The following SUMF1 variants were observed in gnomAD, a reference collection of about 807,000 sequenced individuals.
The protein encoded by SUMF1 is formylglycine-generating enzyme.
A neutral mutation model predicts 47.6 loss-of-function variants in SUMF1; 48 were observed. The ratio of observed to expected loss-of-function variants is 1.01; its 90% CI spans 0.80 to 1.28. SUMF1 has a LOEUF of 1.28. SUMF1 is among the 50% of genes most tolerant of loss of function. The pLI is 0.00. For synonymous variants in SUMF1, 230 were observed against 192.1 expected (o/e 1.20, Z -1.63); for missense variants, 571 against 485.4 (o/e 1.18, Z -1.66).
At chr3:4,204,373 G>A (rs529529309) in intron 8 of SUMF1, among the ~76,000 whole-genome samples, 2 of 152,122 alleles carry the variant, frequency 1.3e-5, no homozygotes, top group East Asian at 1.9e-4. Context: ...TCCTTTATAT[G>A]TTGTTTGTTT....
intron 7 of SUMF1, among the ~76,000 whole-genome samples, chr3:4,405,167 T>C (rs1054188184): frequency 1.1e-4 from 16 of 152,174 alleles, no homozygotes; most frequent in Non-Finnish European, 1.8e-4. Context: ...CTAAGTCCTA[T>C]CATGCAATGG....
chr3:4,313,353 G>A (rs751837593), intron 8 of SUMF1: 8 of 1,613,844 alleles, frequency 5.0e-6, no homozygotes, highest in Middle Eastern at 1.6e-4. Flanking sequence ...ATAATGGGCA[G>A]GTAATGGAAA....
At chr3:4,055,255 C>T (rs2125025045) in intron 9 of SUMF1, among the ~76,000 whole-genome samples, 1 of 152,138 alleles carries the variant, frequency 6.6e-6, no homozygotes, top group Non-Finnish European at 1.5e-5. Flanking sequence ...GATTGTAAAA[C>T]AATACAGACA....
chr3:4,121,560 T>C (rs1321523815), intron 8 of SUMF1, among the ~76,000 whole-genome samples: 1 of 152,162 alleles, frequency 6.6e-6, no homozygotes, highest in Admixed American at 6.5e-5. Context: ...CCTTGTAGCC[T>C]GTAGACATAA....
intron 3 of SUMF1, among the ~76,000 whole-genome samples, chr3:4,447,937 C>T (rs571398470): frequency 3.3e-5 from 5 of 152,162 alleles, no homozygotes; most frequent in Non-Finnish European, 2.9e-5. Flanking sequence ...CAAAAATAAG[C>T]GCAAACGCCC....
intron 8 of SUMF1, among the ~76,000 whole-genome samples, chr3:4,156,674 T>A (rs1694458662): frequency 6.6e-6 from 1 of 151,626 alleles, no homozygotes; most frequent in South Asian, 2.1e-4. Flanking sequence ...GTATTTGCAC[T>A]CTCTGGGCCT....
chr3:4,443,667 A>C (rs1702682387), intron 3 of SUMF1, among the ~76,000 whole-genome samples: 1 of 152,082 alleles, frequency 6.6e-6, no homozygotes, highest in Non-Finnish European at 1.5e-5. Flanking sequence ...TGGGTGGCTG[A>C]GGTGGGAGCA....
At chr3:4,304,730 T>C (rs1388321164) in intron 8 of SUMF1, among the ~76,000 whole-genome samples, 4 of 152,206 alleles carry the variant, frequency 2.6e-5, no homozygotes, top group Non-Finnish European at 2.9e-5. Context: ...AGAGATTCAA[T>C]AGCAGCTTTC....
chr3:4,213,414 A>G (rs1695843745), intron 8 of SUMF1, among the ~76,000 whole-genome samples: 1 of 152,216 alleles, frequency 6.6e-6, no homozygotes, highest in African/African-American at 2.4e-5. Context: ...TAAAGGAAGC[A>G]CTAAACATGG....
At chr3:4,174,121 C>A (rs1054485923) in intron 8 of SUMF1, among the ~76,000 whole-genome samples, 3 of 152,030 alleles carry the variant, frequency 2.0e-5, no homozygotes, top group Non-Finnish European at 2.9e-5. Flanking sequence ...CTTCAGGAGG[C>A]TGAGGCAGGT....
At chr3:4,095,672 T>A (rs771718928) in intron 8 of SUMF1, among the ~76,000 whole-genome samples, 7 of 152,072 alleles carry the variant, frequency 4.6e-5, no homozygotes, top group Non-Finnish European at 1.0e-4. Context: ...AACAAATTCA[T>A]ATTCCTGACT....
intron 8 of SUMF1, among the ~76,000 whole-genome samples, chr3:4,251,868 A>G (rs1696809994): frequency 6.6e-6 from 1 of 152,210 alleles, no homozygotes; most frequent in African/African-American, 2.4e-5. Flanking sequence ...TTTTTTTAGC[A>G]ATGAAGTATT....
At chr3:4,350,676 TAGA>T (rs1466779970) in intron 8 of SUMF1, among the ~76,000 whole-genome samples, 20 of 152,202 alleles carry the variant, frequency 1.3e-4, no homozygotes, top group Non-Finnish European at 2.6e-4. Context: ...ATTAAAGCAG[TAGA>T]AGTTCAGAAA....
intron 8 of SUMF1, among the ~76,000 whole-genome samples, chr3:4,208,292 C>A (rs929515945): frequency 6.6e-6 from 1 of 152,004 alleles, no homozygotes; most frequent in Non-Finnish European, 1.5e-5. Context: ...GTATTTGCAA[C>A]TGTCATGGTC....
chr3:4,083,978 CAGTA>C (rs764549592), intron 8 of SUMF1, among the ~76,000 whole-genome samples: 2 of 151,880 alleles, frequency 1.3e-5, no homozygotes, highest in Non-Finnish European at 2.9e-5. Flanking sequence ...TTCAATTTTA[CAGTA>C]AGTATGAATC....
chr3:4,050,252 C>T (rs1472771045), intron 9 of SUMF1, among the ~76,000 whole-genome samples: 4 of 151,748 alleles, frequency 2.6e-5, no homozygotes, highest in African/African-American at 9.7e-5. Context: ...TCCCTATCTC[C>T]TGTCCGTTCT....
chr3:4,262,713 C>T (rs1001545110), intron 8 of SUMF1, among the ~76,000 whole-genome samples: 2 of 152,168 alleles, frequency 1.3e-5, no homozygotes, highest in East Asian at 3.9e-4. Flanking sequence ...GAATCTCTGG[C>T]TCCCAAAAGC....
chr3:4,344,951 T>G (rs1032672692), intron 8 of SUMF1, among the ~76,000 whole-genome samples: 1 of 151,866 alleles, frequency 6.6e-6, no homozygotes, highest in Admixed American at 6.6e-5. Flanking sequence ...AAGACCACCT[T>G]ACTGAAATAA....
intron 3 of SUMF1, among the ~76,000 whole-genome samples, chr3:4,438,984 G>A (rs748235078): frequency 3.3e-5 from 5 of 152,106 alleles, no homozygotes; most frequent in Admixed American, 1.3e-4. Context: ...TAGATCTCAG[G>A]ACCAAATGAT....
Sources: gnomAD v4.1 joint callset for allele counts (sites outside exome capture counted in the v4.1 genomes callset) on GRCh38, gnomAD v4.1.1 for gene constraint, MANE v1.5 for transcripts, NCBI Gene and HGNC (gene_info 2026-07-23, HGNC 2026-07-21) for gene names.